Variants in STAP1 observed in about 807,000 individuals in gnomAD.
STAP1 encodes signal-transducing adaptor protein 1.
In STAP1, 30 loss-of-function variants were observed where a neutral mutation model predicts 37.8. That is an observed-to-expected ratio of 0.79 (90% CI 0.59 to 1.08). STAP1 has a LOEUF of 1.08. STAP1 is among the 50% of genes least tolerant of loss of function. The probability of loss-of-function intolerance (pLI) is 0.00; values close to 1 mark genes in which losing one functional copy is unlikely to be tolerated. For synonymous variants in STAP1, 130 were observed against 116.0 expected (o/e 1.12, Z -0.78); for missense variants, 357 against 349.4 (o/e 1.02, Z -0.17).
At chr4:67,575,183 T>C (rs997410497) in intron 2 of STAP1, among the ~76,000 whole-genome samples, 118 of 152,224 alleles carry the variant, frequency 7.8e-4, no homozygotes, top group African/African-American at 2.8e-3. Flanking sequence ...ATTTAACAAT[T>C]GGCTTTTGCA....
chr4:67,600,690 A>C (rs1728319287), intron 8 of STAP1, among the ~76,000 whole-genome samples: 1 of 152,100 alleles, frequency 6.6e-6, no homozygotes, highest in Non-Finnish European at 1.5e-5. Flanking sequence ...TATATATTAT[A>C]TATATTTGCA....
chr4:67,604,622 C>T (rs946710048), intron 8 of STAP1, among the ~76,000 whole-genome samples: 7 of 152,184 alleles, frequency 4.6e-5, no homozygotes, highest in Admixed American at 2.6e-4. Context: ...CATCCATTGT[C>T]TTTTCCCTTG....
chr4:67,595,225 A>G (rs1728198063), intron 8 of STAP1, among the ~76,000 whole-genome samples: 2 of 151,978 alleles, frequency 1.3e-5, no homozygotes, highest in Non-Finnish European at 2.9e-5. Flanking sequence ...TTGCATTTAG[A>G]TGGGTAATTG....
At position 67,590,970 on chromosome 4, in the gene STAP1, G is replaced by A. The variant is rs746179743; in HGVS notation, c.729+17G>A. The A allele has an allele frequency of 3.7e-6, 6 of 1,602,132 alleles. No homozygotes were observed. The highest frequency in any genetic ancestry group is 2.2e-5 in the South Asian group (2 of 90,206). On this transcript the variant is annotated intron_variant, in intron 7 of 8. Transcript: ENST00000265404. ...GAAAAACCTGTAAGTAACTATTTTT[G>A]TTGTTGTTGATGAACTTCCTCCCGA...
intron 8 of STAP1, among the ~76,000 whole-genome samples, chr4:67,595,166 C>T (rs1728197120): frequency 6.6e-6 from 1 of 151,962 alleles, no homozygotes; most frequent in Non-Finnish European, 1.5e-5. Context: ...ATCTATGATA[C>T]ATTTTGAATT....
Position 67,571,120 on chromosome 4 carries a change from ACTCTT to A in STAP1, c.158_162del (p.Thr53IlefsTer13), listed in dbSNP as rs761983007. The A allele has an allele frequency of 2.5e-6, 4 of 1,611,604 alleles. No individual in the cohort carries two copies. Among genetic ancestry groups the A allele is most frequent in the Non-Finnish European group, 2.5e-6 (3 of 1,177,996 alleles). ...TTACTGGACAGAGTTGAGAGGAACT[ACTCTT>A]TTCTTTTATACCGACAAAAAGAGTA... On this transcript the variant is annotated frameshift_variant, in exon 2 of 9. Coordinates refer to ENST00000265404, the MANE Select transcript of STAP1 (RefSeq NM_012108.4). LOFTEE classifies it high-confidence loss of function.
At chr4:67,577,112 T>A in intron 3 of STAP1, 91 bp from the exon 4 acceptor site, 1 of 1,167,854 alleles carries the variant, frequency 8.6e-7, no homozygotes, top group Non-Finnish European at 1.2e-6. Context: ...AAATGAATTA[T>A]TTTTTAGGCT....
chr4:67,596,042 T>C (rs1432027147), intron 8 of STAP1, among the ~76,000 whole-genome samples: 1 of 152,296 alleles, frequency 6.6e-6, no homozygotes, highest in East Asian at 1.9e-4. Flanking sequence ...TGAATTCCAT[T>C]GTTCATTGGT....
intron 4 of STAP1, among the ~76,000 whole-genome samples, chr4:67,578,026 T>C (rs894441628): frequency 1.3e-5 from 2 of 152,190 alleles, no homozygotes; most frequent in Non-Finnish European, 2.9e-5. Flanking sequence ...ACATAGACAA[T>C]GTAACAGGGA....
intron 1 of STAP1, among the ~76,000 whole-genome samples, chr4:67,560,193 T>C (rs1207871362): frequency 6.6e-6 from 1 of 150,934 alleles, no homozygotes; most frequent in East Asian, 1.9e-4. Flanking sequence ...GACATGTCAT[T>C]GGTATGGTTA....
At chr4:67,569,575 T>C in intron 1 of STAP1, among the ~76,000 whole-genome samples, 1 of 152,270 alleles carries the variant, frequency 6.6e-6, no homozygotes, top group East Asian at 1.9e-4. Context: ...TATATCCTTA[T>C]TCTATAAGCT....
chr4:67,605,089 G>A (rs562238148), intron 8 of STAP1, among the ~76,000 whole-genome samples: 4 of 152,212 alleles, frequency 2.6e-5, no homozygotes, highest in African/African-American at 4.8e-5. Flanking sequence ...CTCTCGAGCC[G>A]CCAAGGGTCC....
At chr4:67,559,072 C>T in intron 1 of STAP1, 143 bp downstream of exon 1, 1 of 795,092 alleles carries the variant, frequency 1.3e-6, no homozygotes, top group South Asian at 3.4e-5. Flanking sequence ...AAAATGATTC[C>T]AATTTTTCAT....
At chr4:67,585,285 T>C (rs1365225873) in intron 6 of STAP1, among the ~76,000 whole-genome samples, 2 of 152,196 alleles carry the variant, frequency 1.3e-5, no homozygotes, top group African/African-American at 4.8e-5. Context: ...TATCTACTAA[T>C]CCACCCCATA....
intron 2 of STAP1, among the ~76,000 whole-genome samples, chr4:67,571,721 A>G (rs1186646103): frequency 2.6e-5 from 4 of 152,172 alleles, no homozygotes; most frequent in African/African-American, 7.2e-5. Context: ...AAGATATAGT[A>G]TTTTAGTGGC....
intron 4 of STAP1, among the ~76,000 whole-genome samples, chr4:67,577,611 G>A (rs1368139017): frequency 1.3e-5 from 2 of 150,638 alleles, no homozygotes; most frequent in African/African-American, 4.9e-5. Flanking sequence ...CAGCATGTTT[G>A]AAAATACATT....
At chr4:67,600,601 T>C (rs1459707032) in intron 8 of STAP1, among the ~76,000 whole-genome samples, 1 of 152,180 alleles carries the variant, frequency 6.6e-6, no homozygotes, top group Non-Finnish European at 1.5e-5. Context: ...TTCTAGCTAT[T>C]ATTGTACTGG....
chr4:67,584,005 G>A (rs1188730078), intron 6 of STAP1, among the ~76,000 whole-genome samples: 1 of 151,598 alleles, frequency 6.6e-6, no homozygotes, highest in Non-Finnish European at 1.5e-5. Context: ...GGCTGAGGCG[G>A]GGGAATTGCT....
In STAP1 at chr4:67,572,509, C is replaced by T. The variant is rs1406435587; in HGVS notation, c.192+1354C>T. Among the ~76,000 whole-genome samples the T allele has an allele frequency of 3.3e-5, 5 of 152,114 alleles. No homozygotes were observed. In the East Asian group the frequency reaches 9.6e-4, roughly 29 times the overall value. On this transcript the variant is annotated intron_variant, in intron 2 of 8. Transcript: ENST00000265404. ...TGCCACTGTTCTCCAGTGGTCCAAC[C>T]CAATAGGAACTCAAAGGGTACGGAG...
Sources: allele counts gnomAD v4.1 joint callset (sites outside exome capture counted in the v4.1 genomes callset), GRCh38; gene constraint gnomAD v4.1.1; transcripts MANE v1.5; gene names NCBI Gene and HGNC (gene_info 2026-07-23, HGNC 2026-07-21).